Variants in ADGRB1 observed in about 807,000 individuals in gnomAD.
ADGRB1 encodes brain-specific angiogenesis inhibitor 1.
In ADGRB1, 36 loss-of-function variants were observed where a neutral mutation model predicts 175.7. That is an observed-to-expected ratio of 0.20 (90% CI 0.16 to 0.27). The LOEUF (loss-of-function observed/expected upper bound fraction) is 0.27, where lower values mean the gene tolerates loss of function less well. Among genes scored for constraint, ADGRB1 ranks in the 10% least tolerant of loss-of-function variants. The pLI is 1.00. For synonymous variants in ADGRB1, 1,054 were observed against 979.4 expected, an observed-to-expected ratio of 1.08 and a Z score of -1.42; for missense variants, 1,731 against 2,255.3, an observed-to-expected ratio of 0.77 and a Z score of 4.71.
At chr8:142,477,719 T>C (rs1157080599) in intron 6 of ADGRB1, among the ~76,000 whole-genome samples, 170 bp downstream of exon 6, 1 of 152,182 alleles carries the variant, frequency 6.6e-6, no homozygotes, top group Non-Finnish European at 1.5e-5. Context: ...GGTGTGACCT[T>C]GGGGCATTTC....
chr8:142,458,181 C>T (rs1839784359), intron 1 of ADGRB1, among the ~76,000 whole-genome samples: 1 of 152,138 alleles, frequency 6.6e-6, no homozygotes, highest in South Asian at 2.1e-4. Context: ...GTGGACTGGA[C>T]CCAGAGCGGG....
rs1304828190 is a variant in ADGRB1, at chr8:142,455,047, A to G, written c.-220+4943A>G. Among the ~76,000 whole-genome samples, 2 of 150,892 alleles carry G rather than the reference A, an allele frequency of 1.3e-5. No homozygotes were observed. The highest frequency in any genetic ancestry group is 2.9e-5 in the Non-Finnish European group (2 of 67,822). On this transcript the variant is annotated intron_variant, in intron 1 of 30. Transcript: ENST00000517894. The surrounding 1 kb of genome is among the most constrained non-coding windows in gnomAD (Gnocchi z 4.9). The stretch of plus-strand genomic sequence containing the variant: ...TCTGTCCCCTGTCCTGCTCATCGCC[A>G]GCCGCAGCACCCTCATATTTGACAC...
intron 2 of ADGRB1, among the ~76,000 whole-genome samples, chr8:142,473,348 G>A (rs959589733): frequency 6.6e-6 from 1 of 152,212 alleles, no homozygotes; most frequent in African/African-American, 2.4e-5. Flanking sequence ...TCGGGGTGGT[G>A]GGATGCCTTC....
At chr8:142,536,696 C>G (rs906724918) in intron 25 of ADGRB1, among the ~76,000 whole-genome samples, 1 of 151,492 alleles carries the variant, frequency 6.6e-6, no homozygotes, top group Admixed American at 6.6e-5. Flanking sequence ...TTCTCGCAGG[C>G]GGACTCTGGC....
rs1369837857 is a variant in ADGRB1, at chr8:142,533,266, G to A, written c.3399-29G>A. The A allele has an allele frequency of 1.0e-5, 15 of 1,475,090 alleles. 1 individual carries two copies. Among genetic ancestry groups the A allele is most frequent in the Middle Eastern group, 2.4e-4 (1 of 4,254 alleles). The allele number at this position is 1,475,090 out of a possible 1,614,324, so 91.4% of individuals were successfully genotyped here. A position where few individuals can be genotyped will look rare whatever the true frequency, so the allele number is the denominator to read the frequency against. The stretch of plus-strand genomic sequence containing the variant: ...GGTGTCCCTGGGGGCAGGGGCGGGG[G>A]CGGCAGCGCTGACACCCTCCATCCC... On this transcript the variant is annotated intron_variant, in intron 24 of 30. Coordinates refer to ENST00000517894, the MANE Select transcript of ADGRB1 (RefSeq NM_001702.3).
intron 17 of ADGRB1, among the ~76,000 whole-genome samples, chr8:142,497,420 G>T (rs1842273836): frequency 6.6e-6 from 1 of 152,134 alleles, no homozygotes; most frequent in Non-Finnish European, 1.5e-5. Context: ...AGGGTCCCCG[G>T]GTCGCTGTCA....
chr8:142,478,483 G>A (rs1841125252), intron 7 of ADGRB1, 123 bp downstream of exon 7: 2 of 1,203,708 alleles, frequency 1.7e-6, no homozygotes, highest in Non-Finnish European at 2.3e-6. Context: ...GGAGGGAGTG[G>A]GGTGCACAGT....
In ADGRB1 at chr8:142,511,159, C is replaced by G. The variant is rs1415073906; in HGVS notation, c.2817+86C>G. ...GGCGGGCCTGCGGGTGGGGAGGGCC[C>G]GCACCCGTCCTGTCCCGGAGGGGTC... On this transcript the variant is annotated intron_variant, in intron 18 of 30. Transcript: ENST00000517894. This position sits in a 1 kb window ranked among gnomAD's most constrained non-coding sequence, Gnocchi z 4.5. 2.0e-6 allele frequency: 2 copies of G among 978,864 alleles called. No homozygotes were observed. The highest frequency in any genetic ancestry group is 2.5e-6 in the Non-Finnish European group (2 of 814,470). The allele number at this position is 978,864 out of a possible 1,614,324, so 60.6% of individuals were successfully genotyped here. A position where few individuals can be genotyped will look rare whatever the true frequency, so the allele number is the denominator to read the frequency against.
At chr8:142,480,917 C>T (rs1337203092) in intron 9 of ADGRB1, among the ~76,000 whole-genome samples, 4 of 152,130 alleles carry the variant, frequency 2.6e-5, no homozygotes, top group African/African-American at 9.7e-5. Context: ...TGCTGGCTCC[C>T]TCCAGGGCTC....
chr8:142,529,306 G>C (rs75669570), intron 24 of ADGRB1, among the ~76,000 whole-genome samples: 1 of 152,070 alleles, frequency 6.6e-6, no homozygotes, highest in Non-Finnish European at 1.5e-5. Context: ...GTGTGCATTC[G>C]TGTGAGAGCA....
chr8:142,481,127 G>A, intron 9 of ADGRB1, 127 bp from the exon 10 acceptor site: 3 of 805,646 alleles, frequency 3.7e-6, no homozygotes, highest in Non-Finnish European at 6.3e-6. Flanking sequence ...TCGGCGTGAG[G>A]CCATGGGCGA....
At position 142,522,009 on chromosome 8, in the gene ADGRB1, G is replaced by T; in HGVS notation, c.3069G>T (p.Leu1023=). ...CCGCCTTCCTGCACTTCTTCTTCCT[G>T]TCCTCCTTCTGCTGGGTGCTCACCG... is the stretch of plus-strand genomic sequence containing the variant. ...LVAAFLHFFF[L]SSFCWVLTEA... Residue 1023 remains leucine, a synonymous_variant, in exon 21 of 31, where the codon CTG becomes CTT. Coordinates refer to ENST00000517894, the MANE Select transcript of ADGRB1 (RefSeq NM_001702.3). 3 of 1,610,650 alleles carry T rather than the reference G, an allele frequency of 1.9e-6. No homozygotes were observed. Among genetic ancestry groups the T allele is most frequent in the Non-Finnish European group, 2.5e-6 (3 of 1,178,818 alleles).
At chr8:142,523,593 G>A (rs909798972) in intron 22 of ADGRB1, among the ~76,000 whole-genome samples, 1 of 152,204 alleles carries the variant, frequency 6.6e-6, no homozygotes. Flanking sequence ...GCCGAAGTCA[G>A]GGGTGGATCA....
At chr8:142,454,999 C>T (rs1210326518) in intron 1 of ADGRB1, among the ~76,000 whole-genome samples, 1 of 151,934 alleles carries the variant, frequency 6.6e-6, no homozygotes, top group African/African-American at 2.4e-5. Context: ...TTCACAAACA[C>T]AAACATGCAC....
chr8:142,490,667 G>T, intron 16 of ADGRB1, 105 bp from the exon 17 acceptor site: 1 of 1,343,026 alleles, frequency 7.4e-7, no homozygotes, highest in Non-Finnish European at 1.0e-6. Flanking sequence ...GACCCGCACA[G>T]GTAGCATGCC....
chr8:142,472,533 C>T (rs1169300390), intron 2 of ADGRB1, among the ~76,000 whole-genome samples: 1 of 152,214 alleles, frequency 6.6e-6, no homozygotes, highest in Admixed American at 6.5e-5. Context: ...CACCTCTGCA[C>T]CCTGCACTGC....
intron 17 of ADGRB1, among the ~76,000 whole-genome samples, chr8:142,508,897 G>T (rs1213218433): frequency 6.6e-6 from 1 of 152,240 alleles, no homozygotes. Context: ...GGGCTTCCCA[G>T]GGTCACAGAG....
intron 27 of ADGRB1, among the ~76,000 whole-genome samples, 155 bp from the exon 28 acceptor site, chr8:142,541,786 T>C (rs935668980): frequency 2.6e-5 from 4 of 152,244 alleles, no homozygotes; most frequent in East Asian, 1.9e-4. Context: ...GTACCTGCAG[T>C]TGGCCCTCCG....
At chr8:142,462,021 C>T (rs1735057288) in intron 1 of ADGRB1, among the ~76,000 whole-genome samples, 1 of 152,074 alleles carries the variant, frequency 6.6e-6, no homozygotes, top group Admixed American at 6.5e-5. Context: ...GAGGGGGCGC[C>T]CAGGACAGCC....
Sources: gnomAD v4.1 joint callset for allele counts (sites outside exome capture counted in the v4.1 genomes callset) on GRCh38, gnomAD v4.1.1 for gene constraint, Gnocchi (gnomAD v3.1) non-coding constraint, MANE v1.5 for transcripts, NCBI Gene and HGNC (gene_info 2026-07-23, HGNC 2026-07-21) for gene names.